The following DAB1 variants were observed in gnomAD, a reference collection of about 807,000 sequenced individuals.
DAB1 encodes disabled homolog 1.
DAB1 carries 15 observed loss-of-function variants against 64.6 expected under a neutral mutation model. That is an observed-to-expected ratio of 0.23 (90% CI 0.16 to 0.36). The LOEUF is 0.36. Ranked by LOEUF, DAB1 falls within the 10% of genes least tolerant of loss-of-function variation. The pLI, the probability that DAB1 is intolerant of heterozygous loss-of-function variation, is 1.00. For synonymous variants in DAB1, 235 were observed against 251.9 expected (o/e 0.93, Z 0.64); for missense variants, 596 against 706.7 (o/e 0.84, Z 1.78).
chr1:57,721,555 G>T (rs1647150790), intron 6 of DAB1, among the ~76,000 whole-genome samples: 2 of 152,192 alleles, frequency 1.3e-5, no homozygotes, highest in Admixed American at 6.5e-5. Context: ...GCACAGAGAG[G>T]TTGTCATTTC....
At chr1:57,058,792 T>C (rs971679975) in intron 9 of DAB1, among the ~76,000 whole-genome samples, 14 of 152,212 alleles carry the variant, frequency 9.2e-5, no homozygotes, top group African/African-American at 3.4e-4. Flanking sequence ...CAAACCCCGG[T>C]ATCTCTCATA....
chr1:58,169,724 T>TA (rs930890361), intron 4 of DAB1, among the ~76,000 whole-genome samples: 20 of 152,284 alleles, frequency 1.3e-4, no homozygotes, highest in Non-Finnish European at 2.2e-4. Flanking sequence ...AGCCTCCCTA[T>TA]AGCTCCCATT....
chr1:57,597,733 G>C (rs969544182), intron 7 of DAB1, among the ~76,000 whole-genome samples: 34 of 152,218 alleles, frequency 2.2e-4, no homozygotes, highest in African/African-American at 8.2e-4. Flanking sequence ...TTAATACAGA[G>C]AAGAAAAAAG....
chr1:57,906,232 C>T (rs577485059), intron 5 of DAB1, among the ~76,000 whole-genome samples: 6 of 152,262 alleles, frequency 3.9e-5, no homozygotes, highest in East Asian at 1.9e-4. Context: ...AAAGAGTATA[C>T]GATAACCATA....
intron 6 of DAB1, among the ~76,000 whole-genome samples, chr1:57,733,656 A>G (rs1369987968): frequency 6.6e-6 from 1 of 152,116 alleles, no homozygotes; most frequent in African/African-American, 2.4e-5. Flanking sequence ...CTCTTTTACA[A>G]TAGAGAACCT....
At chr1:57,066,430 G>A (rs1650918822) in intron 8 of DAB1, among the ~76,000 whole-genome samples, 2 of 152,200 alleles carry the variant, frequency 1.3e-5, no homozygotes, top group African/African-American at 4.8e-5. Flanking sequence ...CAACACAGCC[G>A]ATAACTTTTT....
chr1:57,948,681 T>A (rs1645220131), intron 5 of DAB1, among the ~76,000 whole-genome samples: 1 of 152,228 alleles, frequency 6.6e-6, no homozygotes, highest in South Asian at 2.1e-4. Flanking sequence ...CTGATGAGAT[T>A]CAGTTCTGAA....
intron 2 of DAB1, among the ~76,000 whole-genome samples, chr1:57,265,360 G>A (rs949164961): frequency 6.6e-6 from 1 of 152,184 alleles, no homozygotes; most frequent in Non-Finnish European, 1.5e-5. Context: ...ATGAGTGACA[G>A]ACATACAGTG....
At chr1:57,853,737 T>C (rs906651346) in intron 1 of DAB1, among the ~76,000 whole-genome samples, 3 of 152,144 alleles carry the variant, frequency 2.0e-5, no homozygotes, top group African/African-American at 7.2e-5. Context: ...AGCAACAAGA[T>C]AATAACCTCA....
intron 1 of DAB1, among the ~76,000 whole-genome samples, chr1:57,417,725 A>G (rs1310752541): frequency 1.3e-5 from 2 of 152,146 alleles, no homozygotes; most frequent in Non-Finnish European, 2.9e-5. Context: ...TAATGATCTT[A>G]GGGGACATTA....
chr1:57,945,445 TATTA>T (rs1179657586), intron 5 of DAB1, among the ~76,000 whole-genome samples: 43 of 150,734 alleles, frequency 2.9e-4, no homozygotes, highest in African/African-American at 4.9e-4. Flanking sequence ...TTATTATTAT[TATTA>T]TTATTATTTT....
At chr1:57,740,839 T>G (rs565533965) in intron 6 of DAB1, among the ~76,000 whole-genome samples, 1 of 152,278 alleles carries the variant, frequency 6.6e-6, no homozygotes, top group South Asian at 2.1e-4. Context: ...GGATTTTATG[T>G]GCAAATGTGT....
intron 9 of DAB1, among the ~76,000 whole-genome samples, chr1:57,062,233 G>T (rs1017000917): frequency 1.3e-5 from 2 of 152,148 alleles, no homozygotes; most frequent in Non-Finnish European, 2.9e-5. Flanking sequence ...AATGTGGTAT[G>T]CCTCTTGGGT....
intron 6 of DAB1, among the ~76,000 whole-genome samples, chr1:57,811,396 G>A (rs913618092): frequency 3.9e-5 from 6 of 152,110 alleles, no homozygotes; most frequent in East Asian, 3.9e-4. Context: ...TAGCACCTAC[G>A]CCCATCTCCT....
intron 14 of DAB1, among the ~76,000 whole-genome samples, chr1:57,001,855 G>A (rs1342080856): frequency 6.6e-6 from 1 of 152,096 alleles, no homozygotes; most frequent in Non-Finnish European, 1.5e-5. Context: ...CAGGTGACAC[G>A]AGCCACTGTG....
intron 4 of DAB1, among the ~76,000 whole-genome samples, chr1:58,304,226 C>T (rs528221527): frequency 2.8e-4 from 43 of 152,076 alleles, no homozygotes; most frequent in Non-Finnish European, 5.3e-4. Flanking sequence ...TGAAAGCCAT[C>T]GTTTGTGTAA....
At chr1:57,480,662 T>C (rs1017431518) in intron 7 of DAB1, among the ~76,000 whole-genome samples, 2 of 152,000 alleles carry the variant, frequency 1.3e-5, no homozygotes, top group African/African-American at 4.8e-5. Context: ...TTTTTGTATT[T>C]TTAGTAGAGA....
At chr1:57,866,150 A>G (rs1413318739) in intron 1 of DAB1, among the ~76,000 whole-genome samples, 3 of 152,222 alleles carry the variant, frequency 2.0e-5, no homozygotes, top group Admixed American at 2.0e-4. Context: ...ATTATGACTC[A>G]TTCTTCATTG....
At chr1:57,719,134 C>T (rs1381927753) in intron 6 of DAB1, among the ~76,000 whole-genome samples, 1 of 152,180 alleles carries the variant, frequency 6.6e-6, no homozygotes, top group Non-Finnish European at 1.5e-5. Context: ...TTCAAAATTT[C>T]CATGGCCGCT....
Sources: allele counts gnomAD v4.1 joint callset (sites outside exome capture counted in the v4.1 genomes callset), GRCh38; gene constraint gnomAD v4.1.1; transcripts MANE v1.5; gene names NCBI Gene and HGNC (gene_info 2026-07-23, HGNC 2026-07-21).